Variants in SLC31A1 observed in about 807,000 individuals in gnomAD.
SLC31A1 encodes the protein solute carrier family 31 member 1, also known as high affinity copper uptake protein 1.
A neutral mutation model predicts 17.2 loss-of-function variants in SLC31A1; 5 were observed. The observed-to-expected ratio is 0.29, with a 90% CI of 0.15 to 0.61. SLC31A1 has a LOEUF of 0.61. SLC31A1 is among the 20% of genes least tolerant of loss of function. The pLI is 0.86. For synonymous variants in SLC31A1, 76 were observed against 78.8 expected (o/e 0.96, Z 0.19); for missense variants, 161 against 241.4 (o/e 0.67, Z 2.21).
In SLC31A1 at chr9:113,258,816, C is replaced by T; in HGVS notation, c.325C>T (p.Pro109Ser). 2 of 1,614,194 alleles carry T rather than the reference C, an allele frequency of 1.2e-6. No homozygotes were observed. Among genetic ancestry groups the T allele is most frequent in the Non-Finnish European group, 1.7e-6 (2 of 1,180,036 alleles). The change falls in exon 4 of 5, where the codon CCA (proline) becomes TCA (serine). Residue 109 changes from proline (P) to serine (S), a missense_variant. Pro to Ser is a moderately conservative substitution (Grantham distance 74, BLOSUM62 -1). Transcript: ENST00000374212. The surrounding 1 kb of genome is among the most constrained non-coding windows in gnomAD (Gnocchi z 4.8). ...VSIRYNSMPV[P>S]GPNGTILMET... Reference sequence around the variant, plus strand: ...CATTCGCTACAATTCCATGCCTGTCCCAGGACCAAATGGAACCATCCTTAT... The same window carrying T: ...CATTCGCTACAATTCCATGCCTGTCTCAGGACCAAATGGAACCATCCTTAT...
intron 1 of SLC31A1, among the ~76,000 whole-genome samples, chr9:113,251,242 G>A (rs1334585405): frequency 2.0e-5 from 3 of 152,044 alleles, no homozygotes; most frequent in African/African-American, 7.2e-5. Context: ...TGCCAACATG[G>A]TGAAACCTCA....
intron 1 of SLC31A1, among the ~76,000 whole-genome samples, chr9:113,229,587 A>G (rs1031131282): frequency 1.3e-5 from 2 of 152,190 alleles, no homozygotes; most frequent in Non-Finnish European, 2.9e-5. Flanking sequence ...TTTTGCTATT[A>G]CAAACACTCC....
chr9:113,232,694 A>T (rs1831414034), intron 1 of SLC31A1, among the ~76,000 whole-genome samples: 1 of 150,538 alleles, frequency 6.6e-6, no homozygotes, highest in Non-Finnish European at 1.5e-5. Flanking sequence ...AAAAAAAAAA[A>T]CTAGTCAGGT....
Position 113,257,130 on chromosome 9 carries a change from T to C in SLC31A1, c.147T>C (p.Phe49=), listed in dbSNP as rs1831737364. Residue 49 remains phenylalanine, a synonymous_variant, in exon 3 of 5, where the codon TTT becomes TTC. Coordinates refer to ENST00000374212, the MANE Select transcript of SLC31A1 (RefSeq NM_001859.4). ...TCTGGCAGCCTATGACCTTCTACTTTGGCTTTAAGAATGTGGAACTACTGT... is the reference window on the plus strand; with the variant it reads ...TCTGGCAGCCTATGACCTTCTACTTCGGCTTTAAGAATGTGGAACTACTGT... ...SMMMMPMTFY[F]GFKNVELLFS... The C allele has an allele frequency of 6.2e-7, 1 of 1,613,900 alleles. No individual in the cohort carries two copies. Among genetic ancestry groups the C allele is most frequent in the East Asian group, 2.2e-5 (1 of 44,882 alleles).
In SLC31A1 at chr9:113,258,989, G is replaced by A. The variant is rs776132788; in HGVS notation, c.371+127G>A. 4.9e-4 allele frequency: 482 copies of A among 982,524 alleles called. 3 individuals carry two copies. The highest frequency in any genetic ancestry group is 2.1e-4 in the Middle Eastern group (1 of 4,850). The allele number at this position is 982,524 out of a possible 1,614,324, so 60.9% of individuals were successfully genotyped here. On this transcript the variant is annotated intron_variant, in intron 4 of 4. Coordinates refer to ENST00000374212, the MANE Select transcript of SLC31A1 (RefSeq NM_001859.4). The surrounding 1 kb of genome is among the most constrained non-coding windows in gnomAD (Gnocchi z 4.8). ...GTTCTGTATGACCTTGATCAAAACT[G>A]TCCTTGGAGGTTTGGGTTTGTAGGT...
chr9:113,227,500 C>T (rs1831354690), intron 1 of SLC31A1: 1 of 152,168 alleles, frequency 6.6e-6, no homozygotes, highest in Admixed American at 6.5e-5. Context: ...GCAGTCTGCC[C>T]ACCTTGGCCT....
At chr9:113,251,662 A>G (rs954453597) in intron 1 of SLC31A1, among the ~76,000 whole-genome samples, 3 of 152,232 alleles carry the variant, frequency 2.0e-5, no homozygotes, top group African/African-American at 7.2e-5. Flanking sequence ...TTATCCAAAT[A>G]CATACAGCAC....
At chr9:113,247,495 T>A (rs771273279) in intron 1 of SLC31A1, among the ~76,000 whole-genome samples, 8 of 152,214 alleles carry the variant, frequency 5.3e-5, no homozygotes, top group Non-Finnish European at 1.2e-4. Context: ...CAATACTCAA[T>A]GCTAAGACTC....
intron 1 of SLC31A1, among the ~76,000 whole-genome samples, chr9:113,251,440 A>T (rs1831652564): frequency 1.3e-5 from 2 of 152,102 alleles, no homozygotes; most frequent in Non-Finnish European, 2.9e-5. Context: ...AAAAATAAAA[A>T]ATAAAAATAG....
At chr9:113,247,789 A>G (rs1439217268) in intron 1 of SLC31A1, among the ~76,000 whole-genome samples, 5 of 152,218 alleles carry the variant, frequency 3.3e-5, no homozygotes, top group Non-Finnish European at 5.9e-5. Flanking sequence ...CAGTCAATAT[A>G]GCATTTACTG....
intron 1 of SLC31A1, among the ~76,000 whole-genome samples, chr9:113,242,017 A>G (rs751101928): frequency 5.9e-5 from 9 of 152,138 alleles, no homozygotes; most frequent in Admixed American, 6.6e-5. Context: ...GTGAAACCCC[A>G]TCTCTACTAA....
intron 1 of SLC31A1, among the ~76,000 whole-genome samples, chr9:113,238,619 G>A (rs929736804): frequency 3.3e-5 from 5 of 152,266 alleles, no homozygotes; most frequent in African/African-American, 4.8e-5. Context: ...AAAAGTAGCC[G>A]GGTATGGTGG....
intron 1 of SLC31A1, among the ~76,000 whole-genome samples, chr9:113,222,654 G>A (rs1226225665): frequency 6.6e-6 from 1 of 152,196 alleles, no homozygotes; most frequent in African/African-American, 2.4e-5. Context: ...CTCCCTCCCA[G>A]AGAACTTTGC....
At position 113,254,016 on chromosome 9, in the gene SLC31A1, C is replaced by T. The variant is rs367874484; in HGVS notation, c.-35-2098C>T. Among the ~76,000 whole-genome samples, 942 of 128,112 alleles carry T rather than the reference C, an allele frequency of 7.4e-3. 8 individuals are homozygous for T. Among genetic ancestry groups the T allele is most frequent in the African/African-American group, 0.027 (893 of 33,562 alleles). The allele number at this position is 128,112 out of a possible 152,430, so 84.0% of individuals were successfully genotyped here. A position where few individuals can be genotyped will look rare whatever the true frequency, so the allele number is the denominator to read the frequency against. On this transcript the variant is annotated intron_variant, in intron 1 of 4. Coordinates refer to ENST00000374212, the MANE Select transcript of SLC31A1 (RefSeq NM_001859.4). ...GTCACCTAGGCTGGAGTGCGGTAGTCCAACCTTGACTCACTGAAACCTCCA... is the reference window on the plus strand; with the variant it reads ...GTCACCTAGGCTGGAGTGCGGTAGTTCAACCTTGACTCACTGAAACCTCCA...
intron 1 of SLC31A1, among the ~76,000 whole-genome samples, chr9:113,244,191 C>G (rs1420560192): frequency 7.0e-6 from 1 of 143,420 alleles, no homozygotes; most frequent in African/African-American, 2.5e-5. Context: ...GCTATTCCTA[C>G]TACTTCATAG....
intron 1 of SLC31A1, among the ~76,000 whole-genome samples, chr9:113,232,357 C>T (rs1273551531): frequency 6.6e-6 from 1 of 151,814 alleles, no homozygotes; most frequent in East Asian, 1.9e-4. Flanking sequence ...TATTTATAGT[C>T]AGAAAACAGG....
chr9:113,227,127 A>T (rs973761407), intron 1 of SLC31A1, among the ~76,000 whole-genome samples: 3 of 152,184 alleles, frequency 2.0e-5, no homozygotes, highest in African/African-American at 7.2e-5. Flanking sequence ...TTGAAATTGC[A>T]TAGCAAATGA....
chr9:113,223,824 A>G (rs1831313387), intron 1 of SLC31A1, among the ~76,000 whole-genome samples: 1 of 152,222 alleles, frequency 6.6e-6, no homozygotes, highest in African/African-American at 2.4e-5. Context: ...TAGTAGTTTA[A>G]AGTTATAACC....
intron 2 of SLC31A1, 163 bp downstream of exon 2, chr9:113,256,440 T>A: frequency 1.4e-6 from 1 of 723,928 alleles, no homozygotes; most frequent in Non-Finnish European, 2.2e-6. Context: ...CCAGATTATG[T>A]GGCAAGCTAC....
Sources: allele counts gnomAD v4.1 joint callset (sites outside exome capture counted in the v4.1 genomes callset), GRCh38; gene constraint gnomAD v4.1.1; non-coding constraint Gnocchi (gnomAD v3.1); transcripts MANE v1.5; gene names NCBI Gene and HGNC (gene_info 2026-07-23, HGNC 2026-07-21).